SMOC1: variants seen among roughly 807,000 people sequenced by gnomAD.
SMOC1 encodes the protein SPARC-related modular calcium-binding protein 1.
In SMOC1, 22 loss-of-function variants were observed where a neutral mutation model predicts 56.3. The observed-to-expected ratio is 0.39, with a 90% CI of 0.28 to 0.56. SMOC1 has a LOEUF of 0.56. SMOC1 is among the 20% of genes least tolerant of loss of function. SMOC1 has a pLI of 0.61. For synonymous variants in SMOC1, 193 were observed against 215.0 expected (o/e 0.90, Z 0.89); for missense variants, 509 against 565.4 (o/e 0.90, Z 1.01).
intron 1 of SMOC1, among the ~76,000 whole-genome samples, chr14:69,888,375 G>T (rs1298305369): frequency 1.3e-5 from 2 of 152,176 alleles, no homozygotes; most frequent in Non-Finnish European, 2.9e-5. Flanking sequence ...CCACATCTAA[G>T]CTTGTTAGGT....
intron 1 of SMOC1, among the ~76,000 whole-genome samples, chr14:69,901,466 G>GTCCC (rs1884239978): frequency 6.6e-6 from 1 of 152,182 alleles, no homozygotes; most frequent in Non-Finnish European, 1.5e-5. Context: ...TCTTCACATT[G>GTCCC]TCCCTCAGCC....
At chr14:69,895,257 G>A (rs1448352511) in intron 1 of SMOC1, among the ~76,000 whole-genome samples, 3 of 152,204 alleles carry the variant, frequency 2.0e-5, no homozygotes, top group African/African-American at 7.2e-5. Flanking sequence ...CTCATTTCCT[G>A]AAAAGGGGTG....
At chr14:69,994,776 ATGAC>A (rs1223968772) in intron 7 of SMOC1, among the ~76,000 whole-genome samples, 1 of 152,212 alleles carries the variant, frequency 6.6e-6, no homozygotes, top group Non-Finnish European at 1.5e-5. Context: ...ATTTGAAAGA[ATGAC>A]TGGACATAAA....
intron 1 of SMOC1, 42 bp downstream of exon 1, chr14:69,879,819 G>A (rs1301307701): frequency 2.0e-6 from 3 of 1,517,370 alleles, no homozygotes; most frequent in South Asian, 2.4e-5. Context: ...CGGAGGGAGG[G>A]GAGGTTGCTT....
chr14:69,956,131 C>G (rs867624708), intron 3 of SMOC1, among the ~76,000 whole-genome samples: 1 of 152,192 alleles, frequency 6.6e-6, no homozygotes, highest in Non-Finnish European at 1.5e-5. Context: ...AATTGCTAAA[C>G]GAGAGAGTCC....
chr14:69,926,257 T>G lies in SMOC1; in HGVS notation c.100-25881T>G, dbSNP rs369407061. Among the ~76,000 whole-genome samples, 3 of 152,182 alleles carry G rather than the reference T, an allele frequency of 2.0e-5. No individual in the cohort carries two copies. The East Asian group carries it at 5.8e-4, about 29-fold the overall frequency. On this transcript the variant is annotated intron_variant, in intron 1 of 11. Transcript: ENST00000361956. ...AGCCACTCAGATCTCTGAATTGTGT[T>G]CCGATTTTGGCAAGTTTTGCAAGGA...
chr14:69,929,803 C>T (rs1885111965), intron 1 of SMOC1, among the ~76,000 whole-genome samples: 1 of 152,120 alleles, frequency 6.6e-6, no homozygotes, highest in Admixed American at 6.5e-5. Context: ...GGAGTTTGGC[C>T]AGATTGTGGG....
intron 1 of SMOC1, among the ~76,000 whole-genome samples, chr14:69,926,827 A>G (rs761573394): frequency 2.0e-5 from 3 of 152,228 alleles, no homozygotes; most frequent in Non-Finnish European, 4.4e-5. Context: ...ATTGAAAGCC[A>G]TGTTTTAGCA....
intron 3 of SMOC1, among the ~76,000 whole-genome samples, chr14:69,961,300 A>ATATG: frequency 7.8e-6 from 1 of 128,452 alleles, no homozygotes; most frequent in African/African-American, 2.9e-5. Flanking sequence ...ATATATATAT[A>ATATG]TATATATATA....
At chr14:69,974,142 T>C (rs1453506610) in intron 3 of SMOC1, among the ~76,000 whole-genome samples, 1 of 152,156 alleles carries the variant, frequency 6.6e-6, no homozygotes, top group Admixed American at 6.5e-5. Flanking sequence ...ATTCTGGGAA[T>C]GTAGAAATAA....
At chr14:69,993,017 G>T (rs903519452) in intron 6 of SMOC1, among the ~76,000 whole-genome samples, 28 of 152,204 alleles carry the variant, frequency 1.8e-4, no homozygotes, top group African/African-American at 6.5e-4. Flanking sequence ...AAAAGCTTTT[G>T]TGAAGAGCCA....
At chr14:69,950,414 C>A (rs1882949683) in intron 1 of SMOC1, among the ~76,000 whole-genome samples, 1 of 152,168 alleles carries the variant, frequency 6.6e-6, no homozygotes, top group South Asian at 2.1e-4. Context: ...AGAAAAGGGT[C>A]AACAAGTTCT....
At chr14:69,905,329 A>G (rs1357670308) in intron 1 of SMOC1, among the ~76,000 whole-genome samples, 1 of 152,134 alleles carries the variant, frequency 6.6e-6, no homozygotes, top group Non-Finnish European at 1.5e-5. Context: ...AGTATGAGAA[A>G]GTATGTTCTA....
intron 5 of SMOC1, chr14:69,978,195 C>T: frequency 1.7e-6 from 1 of 582,814 alleles, no homozygotes; most frequent in Non-Finnish European, 3.1e-6. Flanking sequence ...GAGTATAGAG[C>T]CCAGAGCTGG....
intron 5 of SMOC1, 152 bp from the exon 6 acceptor site, chr14:69,992,265 C>T: frequency 1.4e-6 from 1 of 711,626 alleles, no homozygotes; most frequent in Non-Finnish European, 2.5e-6. Flanking sequence ...CCTTCTTGCC[C>T]TTTTCTTCTT....
At position 70,023,206 on chromosome 14, in the gene SMOC1, C is replaced by A. The variant is rs1885794702; in HGVS notation, c.1050C>A (p.Phe350Leu). ...GGGGTGTTTGTCCATGGCCCAGGTT[C>A]TCAGAGCCAGACCCCAGCCACACCC... is the stretch of plus-strand genomic sequence containing the variant. ...NSAAPTGGGR[F>L]SEPDPSHTLE... The change falls in exon 11 of 12, where the codon TTC (phenylalanine) becomes TTA (leucine). Residue 350 changes from phenylalanine (F) to leucine (L), a missense_variant. Coordinates refer to ENST00000361956, the MANE Select transcript of SMOC1 (RefSeq NM_001034852.3). 6.2e-7 allele frequency: 1 copy of A among 1,614,118 alleles called. No individual in the cohort carries two copies. Among genetic ancestry groups the A allele is most frequent in the South Asian group, 1.1e-5 (1 of 91,072 alleles).
intron 1 of SMOC1, among the ~76,000 whole-genome samples, chr14:69,892,612 C>T (rs1276801345): frequency 6.6e-6 from 1 of 152,158 alleles, no homozygotes; most frequent in Non-Finnish European, 1.5e-5. Flanking sequence ...CACATTCGAC[C>T]ATGAACCACT....
At chr14:69,882,093 G>A (rs1382718174) in intron 1 of SMOC1, among the ~76,000 whole-genome samples, 3 of 152,108 alleles carry the variant, frequency 2.0e-5, no homozygotes, top group African/African-American at 4.8e-5. Context: ...TATTTTTTTG[G>A]TGTCTGTATC....
intron 1 of SMOC1, among the ~76,000 whole-genome samples, chr14:69,899,232 C>T (rs1884175507): frequency 6.6e-6 from 1 of 152,184 alleles, no homozygotes; most frequent in Non-Finnish European, 1.5e-5. Flanking sequence ...CCCTCTTCTG[C>T]CGGAAGGGTT....
Sources: gnomAD v4.1 joint callset for allele counts (sites outside exome capture counted in the v4.1 genomes callset) on GRCh38, gnomAD v4.1.1 for gene constraint, MANE v1.5 for transcripts, NCBI Gene and HGNC (gene_info 2026-07-23, HGNC 2026-07-21) for gene names.